The following LRP1B variants were observed in gnomAD, a reference collection of about 807,000 sequenced individuals.
LRP1B encodes the protein low-density lipoprotein receptor-related protein 1B.
In LRP1B, 217 loss-of-function variants were observed where a neutral mutation model predicts 556.6. That is an observed-to-expected ratio of 0.39 (90% CI 0.35 to 0.44). The LOEUF is 0.44. Among genes scored for constraint, LRP1B ranks in the 20% least tolerant of loss-of-function variants. The pLI is 1.00. For missense variants in LRP1B, 5,053 were observed against 5,620.8 expected, an observed-to-expected ratio of 0.90 and a Z score of 3.23; for synonymous variants, 2,047 against 1,865.8, an observed-to-expected ratio of 1.10 and a Z score of -2.50.
chr2:140,867,902 T>A (rs894492172), intron 26 of LRP1B, 68 bp from the exon 27 acceptor site: 3 of 1,428,188 alleles, frequency 2.1e-6, no homozygotes, highest in Admixed American at 2.5e-5. Flanking sequence ...CATAATCATG[T>A]AACTCAGCTA....
At chr2:141,332,319 C>T (rs1253399385) in intron 3 of LRP1B, among the ~76,000 whole-genome samples, 1 of 151,994 alleles carries the variant, frequency 6.6e-6, no homozygotes, top group African/African-American at 2.4e-5. Context: ...AATTTGAATG[C>T]AGTCTCATCT....
chr2:141,136,941 C>T lies in LRP1B; in HGVS notation c.1013+51480G>A, dbSNP rs536136960. 7.2e-5 allele frequency among the ~76,000 whole-genome samples: 11 copies of T among 151,932 alleles called. No homozygotes were observed. In the East Asian group the frequency reaches 2.1e-3, roughly 29 times the overall value. Reference sequence around the variant, plus strand: ...TATCTGGTATTCAGTTCTATAGATACTATTTTCCCTCCAGCTGAAAGCAGA... The same window carrying T: ...TATCTGGTATTCAGTTCTATAGATATTATTTTCCCTCCAGCTGAAAGCAGA... On this transcript the variant is annotated intron_variant, in intron 7 of 90. Coordinates refer to ENST00000389484, the MANE Select transcript of LRP1B (RefSeq NM_018557.3).
chr2:141,350,650 TCA>T (rs1353233524), intron 3 of LRP1B, among the ~76,000 whole-genome samples: 4 of 152,094 alleles, frequency 2.6e-5, no homozygotes, highest in African/African-American at 9.7e-5. Context: ...ATCGTATCAC[TCA>T]CACTTTGGAA....
At chr2:140,281,525 CTA>C (rs1682912531) in intron 84 of LRP1B, among the ~76,000 whole-genome samples, 1 of 151,850 alleles carries the variant, frequency 6.6e-6, no homozygotes, top group African/African-American at 2.4e-5. Context: ...ATAGGAGAAA[CTA>C]TATGAGAATT....
At chr2:140,736,843 C>A (rs907251462) in intron 35 of LRP1B, among the ~76,000 whole-genome samples, 1 of 152,122 alleles carries the variant, frequency 6.6e-6, no homozygotes, top group Non-Finnish European at 1.5e-5. Flanking sequence ...CTTCTCACCC[C>A]CTACTGCCTG....
intron 7 of LRP1B, among the ~76,000 whole-genome samples, chr2:141,154,191 T>A (rs762694678): frequency 6.6e-6 from 1 of 151,898 alleles, no homozygotes; most frequent in Non-Finnish European, 1.5e-5. Flanking sequence ...AAGTTGAATG[T>A]GTTTCTAACT....
intron 3 of LRP1B, among the ~76,000 whole-genome samples, chr2:141,298,617 C>A (rs1454481671): frequency 6.6e-6 from 1 of 152,088 alleles, no homozygotes; most frequent in Non-Finnish European, 1.5e-5. Context: ...TCCTGTGCAT[C>A]TTTTCCTTTG....
At chr2:140,240,120 C>T (rs1680883595) in intron 87 of LRP1B, among the ~76,000 whole-genome samples, 1 of 150,888 alleles carries the variant, frequency 6.6e-6, no homozygotes, top group Admixed American at 6.6e-5. Flanking sequence ...TGCTCTTCAA[C>T]TGTAAAACAC....
intron 6 of LRP1B, among the ~76,000 whole-genome samples, chr2:141,221,515 TAGAC>T (rs148080956): frequency 0.011 from 1,602 of 151,904 alleles, 17 homozygotes; most frequent in Middle Eastern, 0.024. Context: ...ACAAAAATAT[TAGAC>T]AGATTGAGAT....
chr2:140,535,594 G>A (rs940644960), intron 46 of LRP1B, among the ~76,000 whole-genome samples: 16 of 152,122 alleles, frequency 1.1e-4, no homozygotes, highest in Non-Finnish European at 1.6e-4. Context: ...TATAAAATGA[G>A]GCAGTTTCAG....
At position 141,627,188 on chromosome 2, in the gene LRP1B, A is replaced by G. The variant is rs373148497; in HGVS notation, c.206-146655T>C. On this transcript the variant is annotated intron_variant, in intron 2 of 90. Coordinates refer to ENST00000389484, the MANE Select transcript of LRP1B (RefSeq NM_018557.3). Reference sequence around the variant, plus strand: ...GTGCATAATACTAAATGGGGGAAGCAAATCTGAAAAGGCTACATACTGTTG... The same window carrying G: ...GTGCATAATACTAAATGGGGGAAGCGAATCTGAAAAGGCTACATACTGTTG... Among the ~76,000 whole-genome samples the G allele has an allele frequency of 1.4e-4, 22 of 152,360 alleles. No individual in the cohort carries two copies. The East Asian group carries it at 2.3e-3, about 16-fold the overall frequency.
chr2:141,394,744 T>A (rs1690178854), intron 3 of LRP1B, among the ~76,000 whole-genome samples: 1 of 152,108 alleles, frequency 6.6e-6, no homozygotes, highest in African/African-American at 2.4e-5. Context: ...TAAAAAAAAA[T>A]TCAGTTGGAA....
chr2:141,686,004 A>C (rs181856565), intron 2 of LRP1B, among the ~76,000 whole-genome samples: 1 of 152,078 alleles, frequency 6.6e-6, no homozygotes, highest in Non-Finnish European at 1.5e-5. Context: ...TTTCATATGG[A>C]AAACAAATGT....
chr2:141,785,341 C>T (rs550316250), intron 2 of LRP1B, among the ~76,000 whole-genome samples: 2 of 152,046 alleles, frequency 1.3e-5, no homozygotes, highest in East Asian at 1.9e-4. Context: ...TTATCTGTTG[C>T]AGCACTTAGT....
At chr2:140,888,853 C>T (rs552091166) in intron 23 of LRP1B, among the ~76,000 whole-genome samples, 48 of 151,032 alleles carry the variant, frequency 3.2e-4, no homozygotes, top group African/African-American at 1.1e-3. Context: ...ATCCCAGCTA[C>T]TCAGGAGGCT....
chr2:141,030,258 C>T (rs767828368), intron 11 of LRP1B, among the ~76,000 whole-genome samples: 12 of 151,968 alleles, frequency 7.9e-5, no homozygotes, highest in Non-Finnish European at 1.2e-4. Context: ...ATATAAAATA[C>T]TTTGAAAAGA....
chr2:140,859,640 G>C (rs1559160680), intron 27 of LRP1B, among the ~76,000 whole-genome samples: 2 of 152,062 alleles, frequency 1.3e-5, no homozygotes, highest in Non-Finnish European at 2.9e-5. Context: ...TAGAAAATGT[G>C]CCAAGTGTTT....
chr2:140,449,212 A>C, intron 63 of LRP1B, among the ~76,000 whole-genome samples: 1 of 152,252 alleles, frequency 6.6e-6, no homozygotes, highest in East Asian at 1.9e-4. Flanking sequence ...GACTAAATTA[A>C]CATATTCATT....
intron 41 of LRP1B, among the ~76,000 whole-genome samples, chr2:140,686,986 A>C (rs1686072583): frequency 6.6e-6 from 1 of 152,162 alleles, no homozygotes; most frequent in Non-Finnish European, 1.5e-5. Flanking sequence ...GAAATGCAGA[A>C]TAATGATTAC....
Sources: allele counts gnomAD v4.1 joint callset (sites outside exome capture counted in the v4.1 genomes callset), GRCh38; gene constraint gnomAD v4.1.1; transcripts MANE v1.5; gene names NCBI Gene and HGNC (gene_info 2026-07-23, HGNC 2026-07-21).